The following RNF24 variants were observed in gnomAD, a reference collection of about 807,000 sequenced individuals.
The protein encoded by RNF24 is ring finger protein 24.
Under a neutral mutation model 20.0 loss-of-function variants are expected in RNF24, and 14 were observed. The ratio of observed to expected loss-of-function variants is 0.70; its 90% CI spans 0.46 to 1.10. The LOEUF (loss-of-function observed/expected upper bound fraction) is 1.10. RNF24 is among the 50% of genes least tolerant of loss of function. RNF24 has a pLI of 0.00. For synonymous variants in RNF24, 45 were observed against 61.1 expected, an observed-to-expected ratio of 0.74 and a Z score of 1.23; for missense variants, 124 against 177.6, an observed-to-expected ratio of 0.70 and a Z score of 1.71.
In RNF24 at chr20:3,948,245, A is replaced by G. The variant is rs774449451; in HGVS notation, c.178T>C (p.Tyr60His). 1 of 1,588,302 alleles carries G rather than the reference A, an allele frequency of 6.3e-7. No homozygotes were observed. Among genetic ancestry groups the G allele is most frequent in the East Asian group, 2.3e-5 (1 of 43,880 alleles). Residue 60 changes from tyrosine to histidine, a missense_variant, in exon 3 of 6, where the codon TAC becomes CAC. Tyr to His is a moderately conservative substitution (Grantham distance 83). Coordinates refer to ENST00000358395, the MANE Select transcript of RNF24 (RefSeq NM_001134337.3). ...TGAATTAAATTTCTCACCTGTTTGT[A>G]GGCATAAAATTCTTTGTGTGCTTGA... ...RHQAHKEFYAYKQVILKEKVK... is the reference protein window; with the variant it reads ...RHQAHKEFYAHKQVILKEKVK...
intron 1 of RNF24, among the ~76,000 whole-genome samples, chr20:3,977,898 G>A (rs1979020926): frequency 6.7e-6 from 1 of 148,956 alleles, no homozygotes; most frequent in African/African-American, 2.5e-5. Context: ...TAGCTTCCAC[G>A]ATTTGGCACA....
intron 1 of RNF24, among the ~76,000 whole-genome samples, chr20:3,979,179 T>C (rs2147022995): frequency 6.6e-6 from 1 of 151,842 alleles, no homozygotes; most frequent in African/African-American, 2.4e-5. Context: ...TGTATAACTT[T>C]GTGTCTTAAC....
intron 1 of RNF24, among the ~76,000 whole-genome samples, chr20:3,996,582 T>C (rs1980883845): frequency 6.6e-6 from 1 of 152,174 alleles, no homozygotes; most frequent in Admixed American, 6.5e-5. Context: ...TGTTCTCCCT[T>C]TCTTCCACTT....
chr20:3,949,551 C>T (rs935858779), intron 2 of RNF24, among the ~76,000 whole-genome samples: 7 of 150,648 alleles, frequency 4.6e-5, no homozygotes, highest in Admixed American at 2.6e-4. Context: ...GGCATGGTGG[C>T]GTGTGGCCTG....
At chr20:3,949,854 C>T (rs6116116) in intron 2 of RNF24, among the ~76,000 whole-genome samples, 1,552 of 152,230 alleles carry the variant, frequency 0.01, 17 homozygotes, top group African/African-American at 0.035. Context: ...TTAAAGAAAT[C>T]TTTGCCTATC....
intron 1 of RNF24, among the ~76,000 whole-genome samples, chr20:3,967,716 C>G (rs1216803568): frequency 6.6e-6 from 1 of 152,186 alleles, no homozygotes; most frequent in African/African-American, 2.4e-5. Flanking sequence ...CTCAGAAGTG[C>G]CGGGTGCAGT....
rs1422558714 is a variant in RNF24 at position 3,943,306 on chromosome 20, T to C, written c.228+1871A>G. On this transcript the variant is annotated intron_variant, in intron 4 of 5. Coordinates refer to ENST00000358395, the MANE Select transcript of RNF24 (RefSeq NM_001134337.3). ...TAAATCAAAATCCCAGCAGGATTTTTTTTTTTTTTTTGTGGATACAGATGA... is the reference window on the plus strand; with the variant it reads ...TAAATCAAAATCCCAGCAGGATTTTCTTTTTTTTTTTGTGGATACAGATGA... Among the ~76,000 whole-genome samples, 9 of 152,172 alleles carry C rather than the reference T, an allele frequency of 5.9e-5. No homozygotes were observed. The East Asian group carries it at 9.6e-4, about 16-fold the overall frequency.
At position 4,008,349 on chromosome 20, in the gene RNF24, G is replaced by A. The variant is rs1167403103; in HGVS notation, c.-8+7088C>T. On this transcript the variant is annotated intron_variant, in intron 1 of 5. Transcript: ENST00000358395. ...TATATATAATATATATATTATACAT[G>A]TAATATGTATAATATATATATTATA... 3.4e-3 allele frequency among the ~76,000 whole-genome samples: 160 copies of A among 47,488 alleles called. 2 individuals carry two copies. The highest frequency in any genetic ancestry group is 0.015 in the African/African-American group (155 of 10,458). The allele number at this position is 47,488 out of a possible 152,430, so 31.2% of individuals were successfully genotyped here.
At chr20:4,005,282 A>G (rs536458999) in intron 1 of RNF24, among the ~76,000 whole-genome samples, 1 of 152,354 alleles carries the variant, frequency 6.6e-6, no homozygotes, top group South Asian at 2.1e-4. Context: ...AGGTTAACCA[A>G]TATGAAAGAT....
intron 1 of RNF24, among the ~76,000 whole-genome samples, chr20:4,011,848 G>A (rs1324881384): frequency 6.6e-6 from 1 of 152,212 alleles, no homozygotes; most frequent in Non-Finnish European, 1.5e-5. Flanking sequence ...ATGTGAGACA[G>A]TTAAGTCTTC....
chr20:4,002,545 C>T (rs1981501013), intron 1 of RNF24, among the ~76,000 whole-genome samples: 1 of 152,100 alleles, frequency 6.6e-6, no homozygotes, highest in Admixed American at 6.6e-5. Context: ...AGAAGAACCT[C>T]ACTAGCAGAA....
chr20:3,947,188 G>A (rs1425235959), intron 3 of RNF24, among the ~76,000 whole-genome samples: 1 of 151,306 alleles, frequency 6.6e-6, no homozygotes, highest in East Asian at 1.9e-4. Context: ...GCGAGACTCC[G>A]TCTCAAAAAC....
chr20:3,979,897 T>C (rs944538354), intron 1 of RNF24, among the ~76,000 whole-genome samples: 1 of 151,338 alleles, frequency 6.6e-6, no homozygotes, highest in African/African-American at 2.4e-5. Flanking sequence ...ATAATGAAAA[T>C]AAATGGACAC....
chr20:3,973,189 G>A (rs755887345), intron 1 of RNF24, among the ~76,000 whole-genome samples: 11 of 151,358 alleles, frequency 7.3e-5, no homozygotes, highest in African/African-American at 1.2e-4. Flanking sequence ...GGTGACACAC[G>A]CGAAACGCCA....
chr20:3,958,305 C>A (rs1000581153), intron 2 of RNF24, among the ~76,000 whole-genome samples: 1 of 152,114 alleles, frequency 6.6e-6, no homozygotes, highest in African/African-American at 2.4e-5. Flanking sequence ...ATACCAAAAT[C>A]TCTATCTTAC....
rs955360992 is a variant in RNF24, at chr20:4,008,023, T to C, written c.-8+7414A>G. ...TATAGTATTTTGAACAAAAATATTA[T>C]AGAGACCAAGTCAGAGTCAAATATT... On this transcript the variant is annotated intron_variant, in intron 1 of 5. Transcript: ENST00000358395. Among the ~76,000 whole-genome samples the C allele has an allele frequency of 2.6e-5, 4 of 151,506 alleles. No homozygotes were observed. The South Asian group carries it at 8.3e-4, about 31-fold the overall frequency.
chr20:4,008,558 T>TTATTTATATATATTATATATATATATATA (rs1568673241), intron 1 of RNF24, among the ~76,000 whole-genome samples: 3 of 120,990 alleles, frequency 2.5e-5, no homozygotes, highest in Non-Finnish European at 3.2e-5. Context: ...ATATATATAT[T>TTATTTATATATATTATATATATATATATA]TTTTTTTGAG....
intron 4 of RNF24, among the ~76,000 whole-genome samples, chr20:3,935,716 C>T (rs917252469): frequency 2.0e-5 from 3 of 152,238 alleles, no homozygotes; most frequent in East Asian, 1.9e-4. Context: ...CCTTTGCCAT[C>T]GTACCCAGGG....
rs2090753270 is a variant in RNF24 at position 3,928,074 on chromosome 20, AAAG to A, written c.*5986_*5988del. 6.6e-6 allele frequency: 1 copy of A among 152,144 alleles called. No homozygotes were observed. The highest frequency in any genetic ancestry group is 2.4e-5 in the African/African-American group (1 of 41,436). The allele number at this position is 152,144 out of a possible 1,614,324, so 9.4% of individuals were successfully genotyped here. On this transcript the variant is annotated 3_prime_UTR_variant, in exon 6 of 6. Coordinates refer to ENST00000358395, the MANE Select transcript of RNF24 (RefSeq NM_001134337.3). ...TGGGGATCCCTTATTAATCTTTACT[AAAG>A]AACCGTGAACCAGCATTTTCCAGTT...
Sources: allele counts gnomAD v4.1 joint callset (sites outside exome capture counted in the v4.1 genomes callset), GRCh38; gene constraint gnomAD v4.1.1; transcripts MANE v1.5; gene names NCBI Gene and HGNC (gene_info 2026-07-23, HGNC 2026-07-21).